The following RIC8B variants were observed in gnomAD, a reference collection of about 807,000 sequenced individuals.
The protein encoded by RIC8B is chaperone Ric-8B.
Under a neutral mutation model 57.5 loss-of-function variants are expected in RIC8B, and 16 were observed. The observed-to-expected ratio is 0.28, with a 90% CI of 0.19 to 0.42. RIC8B has a LOEUF of 0.42. RIC8B is among the 10% of genes least tolerant of loss of function. The pLI is 1.00. For synonymous variants in RIC8B, 216 were observed against 250.8 expected, an observed-to-expected ratio of 0.86 and a Z score of 1.31; for missense variants, 481 against 677.0, an observed-to-expected ratio of 0.71 and a Z score of 3.21.
intron 6 of RIC8B, among the ~76,000 whole-genome samples, chr12:106,849,467 A>T (rs1462866126): frequency 6.9e-6 from 1 of 144,274 alleles, no homozygotes; most frequent in South Asian, 2.2e-4. Context: ...ATTAAAAATT[A>T]AAAAAAAAAA....
intron 7 of RIC8B, among the ~76,000 whole-genome samples, chr12:106,854,344 T>A (rs1419401314): frequency 6.6e-6 from 1 of 151,880 alleles, no homozygotes; most frequent in East Asian, 1.9e-4. Flanking sequence ...AAAATAAATT[T>A]CAAATAATTT....
chr12:106,823,727 C>T (rs1284750059), intron 3 of RIC8B, among the ~76,000 whole-genome samples: 1 of 151,134 alleles, frequency 6.6e-6, no homozygotes, highest in Non-Finnish European at 1.5e-5. Context: ...TCTTGTAGCC[C>T]AGGCTGGAAT....
intron 9 of RIC8B, among the ~76,000 whole-genome samples, chr12:106,875,682 T>C (rs1018175118): frequency 2.0e-5 from 3 of 152,130 alleles, no homozygotes; most frequent in African/African-American, 7.2e-5. Context: ...ACTTATATAT[T>C]CTGCCATCAA....
chr12:106,875,614 A>G (rs2097579592), intron 9 of RIC8B, among the ~76,000 whole-genome samples: 1 of 152,152 alleles, frequency 6.6e-6, no homozygotes, highest in African/African-American at 2.4e-5. Flanking sequence ...AACCAGAGCT[A>G]ATTAATCCTC....
intron 4 of RIC8B, among the ~76,000 whole-genome samples, chr12:106,831,346 A>G (rs1946387611): frequency 6.6e-6 from 1 of 152,156 alleles, no homozygotes; most frequent in South Asian, 2.1e-4. Context: ...AGAGAAAAAA[A>G]ATTTTTTTAA....
At chr12:106,799,403 G>T (rs180891457) in intron 2 of RIC8B, among the ~76,000 whole-genome samples, 2 of 152,240 alleles carry the variant, frequency 1.3e-5, no homozygotes, top group East Asian at 3.9e-4. Flanking sequence ...AGCCCTAGTT[G>T]TTATCCCTAT....
intron 5 of RIC8B, among the ~76,000 whole-genome samples, chr12:106,843,049 A>G (rs916674495): frequency 6.6e-6 from 1 of 152,236 alleles, no homozygotes; most frequent in Non-Finnish European, 1.5e-5. Flanking sequence ...TGCAACACCA[A>G]AATTATGACT....
intron 2 of RIC8B, among the ~76,000 whole-genome samples, chr12:106,800,157 G>A (rs764594765): frequency 6.6e-6 from 1 of 152,034 alleles, no homozygotes; most frequent in Non-Finnish European, 1.5e-5. Context: ...ACTTACCTCT[G>A]TATTAGTTTG....
chr12:106,868,795 ACACAC>A (rs1950252618), intron 8 of RIC8B, among the ~76,000 whole-genome samples: 1 of 147,514 alleles, frequency 6.8e-6, no homozygotes, highest in Non-Finnish European at 1.5e-5. Flanking sequence ...ACACACACAC[ACACAC>A]ACACACACAC....
intron 3 of RIC8B, among the ~76,000 whole-genome samples, chr12:106,819,942 C>A (rs2045764962): frequency 6.6e-6 from 1 of 151,986 alleles, no homozygotes; most frequent in Non-Finnish European, 1.5e-5. Flanking sequence ...ATTTTTCTTA[C>A]AAAGTCTTTC....
At chr12:106,861,040 T>C (rs1252561647) in intron 8 of RIC8B, among the ~76,000 whole-genome samples, 28 of 152,202 alleles carry the variant, frequency 1.8e-4, no homozygotes, top group Non-Finnish European at 4.4e-5. Context: ...TATTCTCTTT[T>C]ATCCCAAGAT....
chr12:106,810,872 C>T (rs1056455285), intron 2 of RIC8B, among the ~76,000 whole-genome samples: 1 of 152,170 alleles, frequency 6.6e-6, no homozygotes, highest in African/African-American at 2.4e-5. Flanking sequence ...TGTACATGCA[C>T]GATCTCATTT....
At position 106,825,622 on chromosome 12, in the gene RIC8B, A is replaced by G. The variant is rs898700899; in HGVS notation, c.742-104A>G. 65 of 764,692 alleles carry G rather than the reference A, an allele frequency of 8.5e-5. No individual in the cohort carries two copies. The South Asian group carries it at 9.4e-4, about 11-fold the overall frequency. 47.4% of individuals were successfully genotyped at this position (764,692 alleles called of 1,614,324 possible). On this transcript the variant is annotated intron_variant, in intron 3 of 9. Transcript: ENST00000392837. ...TATTCTGCCATCTAAAATGTATGGT[A>G]TAAGAATGCTTGTTTGGGGTGGGCA...
chr12:106,849,801 G>A (rs1039019232), intron 6 of RIC8B, among the ~76,000 whole-genome samples: 1 of 152,160 alleles, frequency 6.6e-6, no homozygotes, highest in Non-Finnish European at 1.5e-5. Flanking sequence ...TTAAAAAAAT[G>A]AAAGTGAGTC....
At chr12:106,777,001 G>A (rs952050862) in intron 1 of RIC8B, among the ~76,000 whole-genome samples, 5 of 152,182 alleles carry the variant, frequency 3.3e-5, no homozygotes, top group East Asian at 3.8e-4. Context: ...GAGACTACAG[G>A]TGCGTGCAAC....
chr12:106,809,682 T>C (rs11113120), intron 2 of RIC8B, among the ~76,000 whole-genome samples: 58,009 of 151,682 alleles, frequency 0.38, 11,272 homozygotes, highest in African/African-American at 0.44. Flanking sequence ...CTCCAAAATT[T>C]GAAACAAAAA....
intron 4 of RIC8B, among the ~76,000 whole-genome samples, chr12:106,834,089 C>A (rs2046479412): frequency 1.3e-5 from 2 of 152,184 alleles, no homozygotes; most frequent in Admixed American, 6.5e-5. Context: ...ATAAACCTTT[C>A]TTTATAAATT....
intron 3 of RIC8B, among the ~76,000 whole-genome samples, chr12:106,823,875 G>C (rs1475988025): frequency 6.6e-6 from 1 of 151,908 alleles, no homozygotes; most frequent in East Asian, 1.9e-4. Flanking sequence ...TAGTAGAGAC[G>C]GGGTTTCACC....
intron 2 of RIC8B, among the ~76,000 whole-genome samples, chr12:106,803,543 G>A (rs2044850841): frequency 6.6e-6 from 1 of 152,098 alleles, no homozygotes; most frequent in Non-Finnish European, 1.5e-5. Context: ...GAAAGTTATT[G>A]CATTTTCCTG....
Sources: allele counts gnomAD v4.1 joint callset (sites outside exome capture counted in the v4.1 genomes callset), GRCh38; gene constraint gnomAD v4.1.1; transcripts MANE v1.5; gene names NCBI Gene and HGNC (gene_info 2026-07-23, HGNC 2026-07-21).